CNTNAP2: variants seen among roughly 807,000 people sequenced by gnomAD.
CNTNAP2 encodes contactin associated protein 2, also known as contactin-associated protein-like 2.
In CNTNAP2, 98 loss-of-function variants were observed where a neutral mutation model predicts 155.2. The ratio of observed to expected loss-of-function variants is 0.63; its 90% confidence interval spans 0.54 to 0.75. The LOEUF (loss-of-function observed/expected upper bound fraction) is 0.75, where lower values mean the gene tolerates loss of function less well. CNTNAP2 is among the 30% of genes least tolerant of loss of function. The pLI, the probability that CNTNAP2 is intolerant of heterozygous loss-of-function variation, is 0.00. For missense variants in CNTNAP2, 1,727 were observed against 1,688.1 expected, an observed-to-expected ratio of 1.02 and a Z score of -0.40; for synonymous variants, 651 against 631.2, an observed-to-expected ratio of 1.03 and a Z score of -0.47.
intron 1 of CNTNAP2, among the ~76,000 whole-genome samples, chr7:146,417,886 A>ATGTTGAGTG (rs1795959739): frequency 2.0e-5 from 3 of 152,116 alleles, no homozygotes; most frequent in Admixed American, 1.3e-4. Context: ...TAACATATAT[A>ATGTTGAGTG]TGTTGAGTGT....
At chr7:148,025,067 A>T (rs1385717950) in intron 15 of CNTNAP2, among the ~76,000 whole-genome samples, 2 of 152,212 alleles carry the variant, frequency 1.3e-5, no homozygotes, top group Admixed American at 6.5e-5. Flanking sequence ...CCATGTTTGT[A>T]AGTCTAATGA....
chr7:147,718,215 T>C (rs1584917490), intron 13 of CNTNAP2, among the ~76,000 whole-genome samples: 1 of 152,106 alleles, frequency 6.6e-6, no homozygotes, highest in Non-Finnish European at 1.5e-5. Context: ...CTGCCTCAAA[T>C]ACCTTTCATA....
At chr7:146,562,964 C>T (rs919950814) in intron 1 of CNTNAP2, among the ~76,000 whole-genome samples, 4 of 152,144 alleles carry the variant, frequency 2.6e-5, no homozygotes, top group Admixed American at 1.3e-4. Context: ...GAATCACACA[C>T]ACATACTCCC....
intron 13 of CNTNAP2, among the ~76,000 whole-genome samples, chr7:147,899,572 A>G (rs1166947821): frequency 6.6e-6 from 1 of 152,122 alleles, no homozygotes; most frequent in Non-Finnish European, 1.5e-5. Flanking sequence ...TCATATGCTA[A>G]AGTCATATTA....
At chr7:147,990,750 A>G (rs1801698397) in intron 15 of CNTNAP2, among the ~76,000 whole-genome samples, 1 of 151,596 alleles carries the variant, frequency 6.6e-6, no homozygotes, top group South Asian at 2.1e-4. Context: ...AGAATTCCCT[A>G]CTCTTCTGGT....
intron 8 of CNTNAP2, among the ~76,000 whole-genome samples, chr7:147,259,270 A>G (rs1403447474): frequency 6.6e-6 from 1 of 152,206 alleles, no homozygotes; most frequent in African/African-American, 2.4e-5. Flanking sequence ...GTATAAAATC[A>G]TGAGACATTT....
intron 9 of CNTNAP2, among the ~76,000 whole-genome samples, chr7:147,343,138 T>C (rs1432523738): frequency 6.6e-6 from 1 of 152,110 alleles, no homozygotes; most frequent in Non-Finnish European, 1.5e-5. Flanking sequence ...GAAGCCTATA[T>C]ATTGTTTCCT....
At chr7:146,569,749 G>A (rs1370098368) in intron 1 of CNTNAP2, among the ~76,000 whole-genome samples, 1 of 152,130 alleles carries the variant, frequency 6.6e-6, no homozygotes, top group Non-Finnish European at 1.5e-5. Flanking sequence ...GGAAAAAAAG[G>A]CAAAATTCCT....
chr7:147,897,575 A>G (rs1199483367), intron 13 of CNTNAP2, among the ~76,000 whole-genome samples: 2 of 152,220 alleles, frequency 1.3e-5, no homozygotes, highest in African/African-American at 4.8e-5. Flanking sequence ...TAATGTTTCT[A>G]TATTTTCAGG....
In CNTNAP2 at chr7:148,388,011, A is replaced by G. The variant is rs1799255797; in HGVS notation, c.3715+4123A>G. 3.3e-5 allele frequency among the ~76,000 whole-genome samples: 5 copies of G among 152,260 alleles called. No homozygotes were observed. In the South Asian group the frequency reaches 1.0e-3, roughly 32 times the overall value. The stretch of plus-strand genomic sequence containing the variant: ...CATAGCAATGTCAGGAAGTTACCCT[A>G]TAGGGCCTAAAAAAAGGGGAGGCAT... On this transcript the variant is annotated intron_variant, in intron 22 of 23. Transcript: ENST00000361727.
intron 3 of CNTNAP2, among the ~76,000 whole-genome samples, chr7:146,884,306 G>T (rs1795612464): frequency 6.6e-6 from 1 of 152,120 alleles, no homozygotes; most frequent in South Asian, 2.1e-4. Context: ...TGTGTGTGAG[G>T]TTCAACTGTG....
chr7:147,108,584 A>G (rs983042138), intron 5 of CNTNAP2, among the ~76,000 whole-genome samples: 2 of 152,204 alleles, frequency 1.3e-5, no homozygotes, highest in African/African-American at 4.8e-5. Flanking sequence ...ACAGCAAGGA[A>G]CAAATAGACA....
intron 13 of CNTNAP2, among the ~76,000 whole-genome samples, chr7:147,693,872 G>C: frequency 6.6e-6 from 1 of 151,942 alleles, no homozygotes; most frequent in Non-Finnish European, 1.5e-5. Context: ...AGGACTTTCA[G>C]TACAGTATTG....
intron 16 of CNTNAP2, among the ~76,000 whole-genome samples, chr7:148,121,676 G>C (rs1334019870): frequency 1.3e-5 from 2 of 151,928 alleles, no homozygotes; most frequent in African/African-American, 4.8e-5. Flanking sequence ...TAATTACATT[G>C]TGCCCTTCTG....
At chr7:146,988,228 A>G (rs2129238230) in intron 3 of CNTNAP2, among the ~76,000 whole-genome samples, 1 of 152,274 alleles carries the variant, frequency 6.6e-6, no homozygotes, top group East Asian at 1.9e-4. Context: ...ATAAAGTTTT[A>G]ATGTAGAATA....
At chr7:147,229,052 T>TAA (rs67269876) in intron 8 of CNTNAP2, among the ~76,000 whole-genome samples, 1 of 151,358 alleles carries the variant, frequency 6.6e-6, no homozygotes, top group Admixed American at 6.6e-5. Flanking sequence ...TATATATATA[T>TAA]ATATAGAGAG....
intron 3 of CNTNAP2, among the ~76,000 whole-genome samples, chr7:146,984,934 A>G (rs1382845478): frequency 1.3e-5 from 2 of 152,216 alleles, no homozygotes; most frequent in Admixed American, 1.3e-4. Context: ...TTTGCATTTG[A>G]CAGTTTGAAT....
At chr7:147,705,038 T>A (rs1199647930) in intron 13 of CNTNAP2, among the ~76,000 whole-genome samples, 1 of 152,204 alleles carries the variant, frequency 6.6e-6, no homozygotes, top group Admixed American at 6.5e-5. Flanking sequence ...ATCCTTTGTA[T>A]TTTTTTAAGT....
At chr7:146,641,322 T>C (rs1799703749) in intron 1 of CNTNAP2, among the ~76,000 whole-genome samples, 1 of 152,132 alleles carries the variant, frequency 6.6e-6, no homozygotes, top group African/African-American at 2.4e-5. Flanking sequence ...CGAGACTCCG[T>C]CTCAAAAAAA....
Sources: allele counts gnomAD v4.1 joint callset (sites outside exome capture counted in the v4.1 genomes callset), GRCh38; gene constraint gnomAD v4.1.1; transcripts MANE v1.5; gene names NCBI Gene and HGNC (gene_info 2026-07-23, HGNC 2026-07-21).